CDH26: variants seen among roughly 807,000 people sequenced by gnomAD.
The protein encoded by CDH26 is cadherin-like protein 26.
CDH26 carries 83 observed loss-of-function variants against 90.3 expected under a neutral mutation model. That is an observed-to-expected ratio of 0.92 (90% confidence interval 0.77 to 1.10). The LOEUF (loss-of-function observed/expected upper bound fraction) is 1.10. CDH26 is among the 50% of genes least tolerant of loss of function. CDH26 has a pLI of 0.00. For missense variants in CDH26, 1,013 were observed against 1,037.6 expected, an observed-to-expected ratio of 0.98 and a Z score of 0.33; for synonymous variants, 397 against 396.3, an observed-to-expected ratio of 1.00 and a Z score of -0.02.
At chr20:59,981,585 A>C (rs755946262) in intron 4 of CDH26, among the ~76,000 whole-genome samples, 1 of 152,148 alleles carries the variant, frequency 6.6e-6, no homozygotes, top group Non-Finnish European at 1.5e-5. Context: ...TCGAAAGTTG[A>C]ATCAGCCTAA....
chr20:59,960,484 G>C (rs2145964333), intron 1 of CDH26, among the ~76,000 whole-genome samples: 1 of 152,146 alleles, frequency 6.6e-6, no homozygotes, highest in South Asian at 2.1e-4. Context: ...ACATTTGTAG[G>C]CTTGATAACT....
At chr20:59,996,512 G>C in intron 12 of CDH26, 119 bp from the exon 13 acceptor site, 1 of 1,613,522 alleles carries the variant, frequency 6.2e-7, no homozygotes. Context: ...AGATGACTAA[G>C]ACGCAATTTG....
chr20:60,028,889 G>A (rs976152025), intron 7 of CDH26, among the ~76,000 whole-genome samples: 3 of 152,244 alleles, frequency 2.0e-5, no homozygotes, highest in East Asian at 1.9e-4. Flanking sequence ...TCTCACGTTC[G>A]CTGCAGCGTT....
intron 1 of CDH26, among the ~76,000 whole-genome samples, chr20:59,961,160 C>T (rs2061067258): frequency 6.6e-6 from 1 of 152,184 alleles, no homozygotes; most frequent in Admixed American, 6.5e-5. Flanking sequence ...TAGTCCAGAT[C>T]AAATCCTGTC....
chr20:60,000,235 G>T lies in CDH26; in HGVS notation c.2097+572G>T, dbSNP rs1359714905. 2.0e-5 allele frequency among the ~76,000 whole-genome samples: 3 copies of T among 152,284 alleles called. No homozygotes were observed. In the South Asian group the frequency reaches 6.2e-4, roughly 32 times the overall value. ...GACACTTCCTCCTGGATGTCATAAG[G>T]GTGTGGAAACAGAATTAGAAAGGGA... is the stretch of plus-strand genomic sequence containing the variant. On this transcript the variant is annotated intron_variant, in intron 14 of 17. Coordinates refer to ENST00000348616, the MANE Select transcript of CDH26 (RefSeq NM_177980.4).
intron 12 of CDH26, chr20:59,996,353 G>C (rs138608112): frequency 1.4e-6 from 2 of 1,448,616 alleles, no homozygotes; most frequent in Non-Finnish European, 1.8e-6. Context: ...AGATATTCAG[G>C]CTCCTGGACT....
In CDH26 at chr20:60,014,220, A is replaced by G. The variant is rs891963674; in HGVS notation, c.*1490A>G. 4 of 152,148 alleles carry G rather than the reference A, an allele frequency of 2.6e-5. No individual in the cohort carries two copies. Among genetic ancestry groups the G allele is most frequent in the Non-Finnish European group, 4.4e-5 (3 of 68,034 alleles). The allele number at this position is 152,148 out of a possible 1,614,324, so 9.4% of individuals were successfully genotyped here. A position where few individuals can be genotyped will look rare whatever the true frequency, so the allele number is the denominator to read the frequency against. On this transcript the variant is annotated 3_prime_UTR_variant, in exon 18 of 18. Coordinates refer to ENST00000348616, the MANE Select transcript of CDH26 (RefSeq NM_177980.4). ...TTAGGGGGTACATAGTCATGTTTCA[A>G]TACATTTACAGTGATCAGATCAGGG...
At position 60,013,617 on chromosome 20, in the gene CDH26, C is replaced by T. The variant is rs2061876289; in HGVS notation, c.*887C>T. The T allele has an allele frequency of 6.6e-6, 1 of 152,106 alleles. No homozygotes were observed. The highest frequency in any genetic ancestry group is 6.5e-5 in the Admixed American group (1 of 15,270). The allele number at this position is 152,106 out of a possible 1,614,324, so 9.4% of individuals were successfully genotyped here. On this transcript the variant is annotated 3_prime_UTR_variant, in exon 18 of 18. Coordinates refer to ENST00000348616, the MANE Select transcript of CDH26 (RefSeq NM_177980.4). Reference sequence around the variant, plus strand: ...AAAATGCTATTTGGACACTTTAATGCACATATTGGATATCTAAAAGTCTAC... The same window carrying T: ...AAAATGCTATTTGGACACTTTAATGTACATATTGGATATCTAAAAGTCTAC...
At position 59,989,575 on chromosome 20, in the gene CDH26, G is replaced by A. The variant is rs6071062; in HGVS notation, c.1283+412G>A. ...AAAAGAAAAGAAAACCAGCTCCTTG[G>A]ACGTGTTCACGAGGTTGCCTCAGTC... On this transcript the variant is annotated intron_variant, in intron 9 of 17. Transcript: ENST00000348616. 4.0e-5 allele frequency among the ~76,000 whole-genome samples: 6 copies of A among 151,846 alleles called. No homozygotes were observed. The East Asian group carries it at 9.7e-4, about 24-fold the overall frequency.
chr20:59,994,040 G>GT (rs914773860), intron 10 of CDH26, among the ~76,000 whole-genome samples: 12 of 152,102 alleles, frequency 7.9e-5, no homozygotes, highest in African/African-American at 2.9e-4. Context: ...ATTTGAGGTG[G>GT]TAAGTGCTTT....
At chr20:59,985,889 TAGGGGAAGAC>T (rs1245554698) in intron 7 of CDH26, 1 of 152,208 alleles carries the variant, frequency 6.6e-6, no homozygotes, top group Non-Finnish European at 1.5e-5. Flanking sequence ...AACTGAGGTC[TAGGGGAAGAC>T]AGGGAATTCC....
Position 59,984,715 on chromosome 20 carries a change from C to T in CDH26, c.618C>T (p.Leu206=). 1 of 1,614,048 alleles carries T rather than the reference C, an allele frequency of 6.2e-7. No individual in the cohort carries two copies. The highest frequency in any genetic ancestry group is 8.5e-7 in the Non-Finnish European group (1 of 1,179,932). The change falls in exon 6 of 18, where the codon CTC becomes CTT. Residue 206 remains leucine, a synonymous_variant. Coordinates refer to ENST00000348616, the MANE Select transcript of CDH26 (RefSeq NM_177980.4). ...NTPNSQVLYF[L]ISQTPLLKES... is the part of the protein sequence containing the mutation. Reference sequence around the variant, plus strand: ...CAAATTCTCAAGTCCTTTACTTCCTCATTTCTCAAACACCATTACTGAAAG... The same window carrying T: ...CAAATTCTCAAGTCCTTTACTTCCTTATTTCTCAAACACCATTACTGAAAG...
At chr20:59,971,274 G>T (rs1182678183) in intron 3 of CDH26, among the ~76,000 whole-genome samples, 10 of 152,204 alleles carry the variant, frequency 6.6e-5, no homozygotes, top group Admixed American at 5.9e-4. Flanking sequence ...GAGTCAGGGG[G>T]AGTGAGTGGG....
At chr20:59,970,876 T>G (rs1392615970) in intron 3 of CDH26, among the ~76,000 whole-genome samples, 1 of 151,834 alleles carries the variant, frequency 6.6e-6, no homozygotes, top group Non-Finnish European at 1.5e-5. Context: ...CTTAAAAATT[T>G]TGCCCTTCTA....
In CDH26 at chr20:59,997,423, G is replaced by T. The variant is rs145931540; in HGVS notation, c.2019+662G>T. Among the ~76,000 whole-genome samples the T allele has an allele frequency of 7.2e-5, 11 of 152,388 alleles. No individual in the cohort carries two copies. In the East Asian group the frequency reaches 2.1e-3, roughly 29 times the overall value. Reference sequence around the variant, plus strand: ...CTCATCTGTGAACTGGGATGATAAAGTCAAATTCTTAGATAGGTTGTGGAT... The same window carrying T: ...CTCATCTGTGAACTGGGATGATAAATTCAAATTCTTAGATAGGTTGTGGAT... On this transcript the variant is annotated intron_variant, in intron 13 of 17. Transcript: ENST00000348616.
intron 7 of CDH26, 35 bp downstream of exon 7, chr20:59,985,164 C>T: frequency 1.2e-6 from 2 of 1,610,804 alleles, no homozygotes; most frequent in Non-Finnish European, 1.7e-6. Context: ...GTCTAAGCCC[C>T]AAAACAAGTA....
At chr20:60,033,835 C>T (rs990012550) in exon 9 of CDH26, 4 of 1,061,008 alleles carry the variant, frequency 3.8e-6, no homozygotes, top group Non-Finnish European at 4.7e-6. Context: ...GTGCAAAGCC[C>T]TGGTCATAAA....
At position 60,025,816 on chromosome 20, in the gene CDH26, A is replaced by C. The variant is rs6100688; in HGVS notation, c.948-5415A>C. ...AGTTTCCCCAGCACCTAGACTGCCA[A>C]GCACTGACTCCAGCTAACACTGTCC... On this transcript the variant is annotated intron_variant, in intron 7 of 8. Coordinates refer to the CDH26 transcript ENST00000370991. Among the ~76,000 whole-genome samples, 594 of 152,334 alleles carry C rather than the reference A, an allele frequency of 3.9e-3. 3 individuals carry two copies. The highest frequency in any genetic ancestry group is 0.014 in the African/African-American group (562 of 41,576).
At chr20:60,005,542 A>G (rs543650974) in intron 16 of CDH26, among the ~76,000 whole-genome samples, 3 of 152,308 alleles carry the variant, frequency 2.0e-5, no homozygotes, top group African/African-American at 7.2e-5. Context: ...ATGGACATAC[A>G]TAATTGCCCC....
Sources: allele counts gnomAD v4.1 joint callset (sites outside exome capture counted in the v4.1 genomes callset), GRCh38; gene constraint gnomAD v4.1.1; transcripts MANE v1.5; gene names NCBI Gene and HGNC (gene_info 2026-07-23, HGNC 2026-07-21).